The following FAM135B variants were observed in gnomAD, a reference collection of about 807,000 sequenced individuals.
The protein encoded by FAM135B is family with sequence similarity 135 member B, also known as protein FAM135B.
FAM135B carries 43 observed loss-of-function variants against 127.7 expected under a neutral mutation model. The observed-to-expected ratio is 0.34, with a 90% CI of 0.26 to 0.43. FAM135B has a LOEUF of 0.43. Among genes scored for constraint, FAM135B ranks in the 20% least tolerant of loss-of-function variants. FAM135B has a pLI of 1.00. For synonymous variants in FAM135B, 670 were observed against 665.1 expected, an observed-to-expected ratio of 1.01 and a Z score of -0.11; for missense variants, 1,558 against 1,725.6, an observed-to-expected ratio of 0.90 and a Z score of 1.72.
chr8:138,238,721 G>A (rs796462203), intron 7 of FAM135B, among the ~76,000 whole-genome samples: 13 of 152,324 alleles, frequency 8.5e-5, no homozygotes, highest in Admixed American at 2.6e-4. Context: ...TTGTTAATGC[G>A]CTGGGCTTCT....
At chr8:138,418,289 G>GTAAAGAGACCAA (rs1834281120) in intron 1 of FAM135B, among the ~76,000 whole-genome samples, 2 of 152,140 alleles carry the variant, frequency 1.3e-5, no homozygotes, top group African/African-American at 4.8e-5. Flanking sequence ...TTGGGAAAAT[G>GTAAAGAGACCAA]AGGGATTATG....
At chr8:138,208,511 C>T (rs1371232946) in intron 7 of FAM135B, among the ~76,000 whole-genome samples, 2 of 152,048 alleles carry the variant, frequency 1.3e-5, no homozygotes, top group South Asian at 2.1e-4. Context: ...TCTTTCTGAT[C>T]CCGTTTATTT....
chr8:138,188,841 C>T (rs991728052), intron 9 of FAM135B, among the ~76,000 whole-genome samples: 2 of 152,166 alleles, frequency 1.3e-5, no homozygotes, highest in Non-Finnish European at 2.9e-5. Flanking sequence ...CTCAGGTCCA[C>T]TGGAGTCAGC....
At position 138,342,388 on chromosome 8, in the gene FAM135B, G is replaced by C. The variant is rs374714230; in HGVS notation, c.77+25519C>G. On this transcript the variant is annotated intron_variant, in intron 2 of 19. Transcript: ENST00000395297. ...CCAGCAGTCAGGAAGTTTCATTGCT[G>C]CTTTGGCCTCAAAATCAGCAAAGGC... Among the ~76,000 whole-genome samples, 19 of 152,326 alleles carry C rather than the reference G, an allele frequency of 1.2e-4. No individual in the cohort carries two copies. In the East Asian group the frequency reaches 3.3e-3, roughly 26 times the overall value.
chr8:138,489,533 A>C (rs1054883269), intron 1 of FAM135B, among the ~76,000 whole-genome samples: 2 of 152,180 alleles, frequency 1.3e-5, no homozygotes, highest in African/African-American at 2.4e-5. Context: ...TTTATATTGC[A>C]ACCAGAATGG....
At chr8:138,310,101 C>A (rs531850876) in intron 3 of FAM135B, among the ~76,000 whole-genome samples, 1 of 152,168 alleles carries the variant, frequency 6.6e-6, no homozygotes, top group African/African-American at 2.4e-5. Flanking sequence ...AAACTCCTGA[C>A]CTCAGGTGAT....
intron 3 of FAM135B, among the ~76,000 whole-genome samples, chr8:138,302,134 GTTATTATTA>G (rs67616345): frequency 4.0e-5 from 6 of 151,026 alleles, no homozygotes; most frequent in African/African-American, 7.3e-5. Context: ...TGAAGGAAGT[GTTATTATTA>G]TTATTATTAT....
intron 2 of FAM135B, among the ~76,000 whole-genome samples, chr8:138,345,937 A>G (rs184679018): frequency 6.6e-6 from 1 of 152,342 alleles, no homozygotes; most frequent in Admixed American, 6.5e-5. Flanking sequence ...TCCAGAGTCT[A>G]CAAGGAACTT....
rs533829654 is a variant in FAM135B, at chr8:138,421,291, C to A, written c.-19-53289G>T. 5.3e-3 allele frequency among the ~76,000 whole-genome samples: 808 copies of A among 152,108 alleles called. 2 individuals carry two copies. Among genetic ancestry groups the A allele is most frequent in the Non-Finnish European group, 8.6e-3 (583 of 68,006 alleles). On this transcript the variant is annotated intron_variant, in intron 1 of 19. Coordinates refer to ENST00000395297, the MANE Select transcript of FAM135B (RefSeq NM_015912.4). ...TTGCACCACTGCATTCCAGCCAGGG[C>A]AACAGAGCGAGACTCTGTCAAAAAA...
intron 1 of FAM135B, among the ~76,000 whole-genome samples, chr8:138,404,819 C>A (rs1356229226): frequency 6.6e-6 from 1 of 152,154 alleles, no homozygotes. Context: ...CTACTTCTAA[C>A]ACATCTACAG....
chr8:138,256,600 G>A (rs2130541899), intron 5 of FAM135B, 89 bp downstream of exon 5: 1 of 1,064,916 alleles, frequency 9.4e-7, no homozygotes, highest in Non-Finnish European at 1.4e-6. Flanking sequence ...GACGTTCTGA[G>A]GTTCAAGGCT....
chr8:138,173,396 T>C (rs1234419595), intron 11 of FAM135B, among the ~76,000 whole-genome samples: 1 of 152,152 alleles, frequency 6.6e-6, no homozygotes, highest in Non-Finnish European at 1.5e-5. Context: ...GCAAGGAGGT[T>C]ATGAGTGTGG....
intron 1 of FAM135B, among the ~76,000 whole-genome samples, chr8:138,372,859 C>A (rs536525044): frequency 6.6e-6 from 1 of 151,472 alleles, no homozygotes; most frequent in Non-Finnish European, 1.5e-5. Flanking sequence ...CTAGCCATCC[C>A]AGCTGCCCAA....
rs886788994 is a variant in FAM135B, at chr8:138,328,950, A to G, written c.78-18030T>C. On this transcript the variant is annotated intron_variant, in intron 2 of 19. Coordinates refer to ENST00000395297, the MANE Select transcript of FAM135B (RefSeq NM_015912.4). ...TCAGAAAATGCATGATGCCTAACTT[A>G]TCCTTTTGGATGATGTCATGTTCTC... Among the ~76,000 whole-genome samples the G allele has an allele frequency of 5.3e-5, 8 of 152,236 alleles. No homozygotes were observed. The East Asian group carries it at 1.5e-3, about 29-fold the overall frequency.
At chr8:138,280,740 T>C (rs918509486) in intron 3 of FAM135B, among the ~76,000 whole-genome samples, 3 of 151,832 alleles carry the variant, frequency 2.0e-5, no homozygotes, top group African/African-American at 7.3e-5. Context: ...AGAGCACAGG[T>C]TTGGATCGAT....
At chr8:138,331,318 A>AT in intron 2 of FAM135B, among the ~76,000 whole-genome samples, 1 of 152,300 alleles carries the variant, frequency 6.6e-6, no homozygotes, top group African/African-American at 2.4e-5. Flanking sequence ...TCTTCGCAGC[A>AT]TTTTTATCAA....
chr8:138,302,367 T>A (rs1417528156), intron 3 of FAM135B, among the ~76,000 whole-genome samples: 1 of 152,130 alleles, frequency 6.6e-6, no homozygotes, highest in East Asian at 1.9e-4. Flanking sequence ...GCCCTCCACT[T>A]GTCCCTCATC....
intron 7 of FAM135B, among the ~76,000 whole-genome samples, chr8:138,199,612 G>A (rs1366754933): frequency 6.6e-6 from 1 of 152,146 alleles, no homozygotes; most frequent in Non-Finnish European, 1.5e-5. Flanking sequence ...AAAGAAATAC[G>A]TGAGACTGGG....
At chr8:138,473,648 C>T (rs1193918163) in intron 1 of FAM135B, among the ~76,000 whole-genome samples, 1 of 152,158 alleles carries the variant, frequency 6.6e-6, no homozygotes, top group African/African-American at 2.4e-5. Flanking sequence ...TAAAGGCTCT[C>T]TAGATGCTAA....
Sources: gnomAD v4.1 joint callset for allele counts (sites outside exome capture counted in the v4.1 genomes callset) on GRCh38, gnomAD v4.1.1 for gene constraint, MANE v1.5 for transcripts, NCBI Gene and HGNC (gene_info 2026-07-23, HGNC 2026-07-21) for gene names.